The following RIMS2 variants were observed in gnomAD, a reference collection of about 807,000 sequenced individuals.
RIMS2 encodes the protein regulating synaptic membrane exocytosis protein 2.
Under a neutral mutation model 174.4 loss-of-function variants are expected in RIMS2, and 59 were observed. That is an observed-to-expected ratio of 0.34 (90% CI 0.27 to 0.42). The LOEUF (loss-of-function observed/expected upper bound fraction) is 0.42, where lower values mean the gene tolerates loss of function less well. Ranked by LOEUF, RIMS2 falls within the 10% of genes least tolerant of loss-of-function variation. RIMS2 has a pLI of 1.00. For synonymous variants in RIMS2, 606 were observed against 572.5 expected, an observed-to-expected ratio of 1.06 and a Z score of -0.84; for missense variants, 1,620 against 1,666.3, an observed-to-expected ratio of 0.97 and a Z score of 0.48.
chr8:103,636,335 A>G (rs1387771736), intron 1 of RIMS2, among the ~76,000 whole-genome samples: 2 of 152,052 alleles, frequency 1.3e-5, no homozygotes, highest in Non-Finnish European at 2.9e-5. Context: ...TTTTGTCAGA[A>G]ATTGTAAGTA....
chr8:104,180,732 G>C (rs976066097), intron 19 of RIMS2, among the ~76,000 whole-genome samples: 3 of 151,554 alleles, frequency 2.0e-5, no homozygotes, highest in Non-Finnish European at 3.0e-5. Context: ...TATGACATTG[G>C]ATCTTTTGCC....
At chr8:103,776,892 T>C (rs965326868) in intron 3 of RIMS2, among the ~76,000 whole-genome samples, 3 of 152,136 alleles carry the variant, frequency 2.0e-5, no homozygotes, top group Non-Finnish European at 4.4e-5. Context: ...TCAATTTCAG[T>C]TCCAAGTTGT....
chr8:104,213,889 AAGAAGAAG>A (rs1418454443), intron 19 of RIMS2, among the ~76,000 whole-genome samples: 30 of 113,840 alleles, frequency 2.6e-4, no homozygotes, highest in African/African-American at 6.1e-4. Context: ...AAAAAAAAAA[AAGAAGAAG>A]AAGAAGAAGA....
At chr8:103,830,571 G>A (rs939147849) in intron 3 of RIMS2, among the ~76,000 whole-genome samples, 3 of 152,142 alleles carry the variant, frequency 2.0e-5, no homozygotes, top group African/African-American at 7.2e-5. Flanking sequence ...TGAAAGGAAT[G>A]TGTATTCTGT....
At chr8:103,531,579 C>G (rs1386436361) in intron 1 of RIMS2, among the ~76,000 whole-genome samples, 1 of 152,142 alleles carries the variant, frequency 6.6e-6, no homozygotes, top group African/African-American at 2.4e-5. Flanking sequence ...CTGATCCACT[C>G]TTTGGTTTTG....
At chr8:104,099,876 G>A (rs1338387087) in intron 19 of RIMS2, among the ~76,000 whole-genome samples, 1 of 151,400 alleles carries the variant, frequency 6.6e-6, no homozygotes, top group Non-Finnish European at 1.5e-5. Context: ...GAGTACAGTG[G>A]TGCAATCATG....
rs546125578 is a variant in RIMS2, at chr8:104,163,451, G to A, written c.3335-81465G>A. The stretch of plus-strand genomic sequence containing the variant: ...ATAATTAGTCAACATTACGAAGCTT[G>A]CCTTGATGAAAAGTTCCAATGATAT... On this transcript the variant is annotated intron_variant, in intron 19 of 23. Coordinates refer to ENST00000504942, the Ensembl canonical transcript of RIMS2. Among the ~76,000 whole-genome samples, 101 of 152,276 alleles carry A rather than the reference G, an allele frequency of 6.6e-4. 1 individual carries two copies. Among genetic ancestry groups the A allele is most frequent in the Admixed American group, 4.1e-3 (62 of 15,294 alleles).
chr8:104,241,377 TAAG>T (rs1199391184), intron 19 of RIMS2, among the ~76,000 whole-genome samples: 4 of 152,200 alleles, frequency 2.6e-5, no homozygotes, highest in African/African-American at 9.7e-5. Context: ...GGGATACATG[TAAG>T]AAGCAACCTG....
chr8:103,583,276 G>A (rs2093718447), intron 1 of RIMS2, among the ~76,000 whole-genome samples: 1 of 152,164 alleles, frequency 6.6e-6, no homozygotes, highest in African/African-American at 2.4e-5. Flanking sequence ...CAACATCATA[G>A]TCCCTTCAAA....
At chr8:103,828,790 C>T (rs918329441) in intron 3 of RIMS2, among the ~76,000 whole-genome samples, 1 of 152,076 alleles carries the variant, frequency 6.6e-6, no homozygotes, top group Non-Finnish European at 1.5e-5. Flanking sequence ...TATGGCTAGC[C>T]AGTTATATCA....
At chr8:104,242,219 G>A (rs1423452827) in intron 19 of RIMS2, among the ~76,000 whole-genome samples, 1 of 151,854 alleles carries the variant, frequency 6.6e-6, no homozygotes, top group African/African-American at 2.4e-5. Flanking sequence ...TGGGGGTGGG[G>A]GCTTGGTTGT....
At chr8:103,579,707 C>G (rs2093487588) in intron 1 of RIMS2, among the ~76,000 whole-genome samples, 1 of 151,950 alleles carries the variant, frequency 6.6e-6, no homozygotes, top group South Asian at 2.1e-4. Context: ...AATATAATAC[C>G]AGAAGCGTTG....
chr8:103,844,651 A>G (rs10283176), intron 3 of RIMS2, among the ~76,000 whole-genome samples: 37,215 of 152,082 alleles, frequency 0.24, 4,913 homozygotes, highest in Non-Finnish European at 0.27. Flanking sequence ...TGTAGTTTTT[A>G]TAAATGTTTA....
At chr8:103,565,950 G>A (rs1253580342) in intron 1 of RIMS2, among the ~76,000 whole-genome samples, 1 of 152,152 alleles carries the variant, frequency 6.6e-6, no homozygotes. Context: ...TATGTTTGGG[G>A]TTTGTCAAAA....
intron 2 of RIMS2, among the ~76,000 whole-genome samples, chr8:103,712,190 A>C (rs1272000374): frequency 6.9e-6 from 1 of 143,996 alleles, no homozygotes; most frequent in Non-Finnish European, 1.5e-5. Context: ...TTTTTTTTTA[A>C]ATAGAGACAG....
intron 19 of RIMS2, among the ~76,000 whole-genome samples, chr8:104,179,101 G>C (rs542766725): frequency 6.6e-5 from 10 of 152,220 alleles, no homozygotes; most frequent in African/African-American, 2.2e-4. Context: ...TATAATCAGA[G>C]ACAGTGGCCT....
intron 1 of RIMS2, among the ~76,000 whole-genome samples, chr8:103,644,189 T>C (rs1179397470): frequency 6.6e-6 from 1 of 152,094 alleles, no homozygotes; most frequent in Non-Finnish European, 1.5e-5. Flanking sequence ...ACCCTGAGCC[T>C]CTGGCAATTA....
intron 1 of RIMS2, among the ~76,000 whole-genome samples, chr8:103,590,635 C>A (rs142118708): frequency 1.7e-3 from 197 of 117,830 alleles, no homozygotes; most frequent in African/African-American, 5.9e-3. Flanking sequence ...TTTATACATT[C>A]ATGAATCTAT....
At chr8:103,911,215 C>A (rs1254862774) in intron 5 of RIMS2, among the ~76,000 whole-genome samples, 1 of 152,114 alleles carries the variant, frequency 6.6e-6, no homozygotes, top group Non-Finnish European at 1.5e-5. Flanking sequence ...AACTGTGAAA[C>A]TATGATTACA....
Sources: allele counts gnomAD v4.1 joint callset (sites outside exome capture counted in the v4.1 genomes callset), GRCh38; gene constraint gnomAD v4.1.1; transcripts MANE v1.5; gene names NCBI Gene and HGNC (gene_info 2026-07-23, HGNC 2026-07-21).